The following PHF14 variants were observed in gnomAD, a reference collection of about 807,000 sequenced individuals.
The protein encoded by PHF14 is PHD finger protein 14.
Under a neutral mutation model 117.9 loss-of-function variants are expected in PHF14, and 55 were observed. The ratio of observed to expected loss-of-function variants is 0.47; its 90% CI spans 0.38 to 0.58. PHF14 has a LOEUF of 0.58. PHF14 is among the 20% of genes least tolerant of loss of function. PHF14 has a pLI of 0.00. For missense variants in PHF14, 978 were observed against 1,122.2 expected (o/e 0.87, Z 1.84); for synonymous variants, 409 against 368.6 (o/e 1.11, Z -1.26).
rs73283110 is a variant in PHF14, at chr7:11,071,417, G to T, written c.2654+9332G>T. On this transcript the variant is annotated intron_variant, in intron 16 of 17. Transcript: ENST00000634607. ...TAGAATGGAAGCCAGTTTTCCAGTT[G>T]CATTTTCTCTCATTTACCTAGAGGA... is the stretch of plus-strand genomic sequence containing the variant. 5.9e-4 allele frequency: 215 copies of T among 363,652 alleles called. 2 individuals are homozygous for T. Among genetic ancestry groups the T allele is most frequent in the African/African-American group, 4.4e-3 (210 of 48,134 alleles). The allele number at this position is 363,652 out of a possible 1,614,324, so 22.5% of individuals were successfully genotyped here. A position where few individuals can be genotyped will look rare whatever the true frequency, so the allele number is the denominator to read the frequency against.
At chr7:11,018,622 G>A (rs888026984) in intron 5 of PHF14, among the ~76,000 whole-genome samples, 47 of 151,978 alleles carry the variant, frequency 3.1e-4, no homozygotes, top group African/African-American at 1.1e-3. Flanking sequence ...TGAATTTATC[G>A]GTTCTAATAG....
chr7:11,132,328 A>G (rs1047663942), intron 17 of PHF14, among the ~76,000 whole-genome samples: 34 of 148,032 alleles, frequency 2.3e-4, no homozygotes, highest in Non-Finnish European at 4.6e-4. Context: ...TAGATTCCAC[A>G]TAAAAGTGAG....
At chr7:11,143,076 T>C (rs1277312876) in intron 17 of PHF14, among the ~76,000 whole-genome samples, 1 of 152,144 alleles carries the variant, frequency 6.6e-6, no homozygotes, top group Non-Finnish European at 1.5e-5. Flanking sequence ...GTCAGAAATA[T>C]TTGCCTTACT....
rs535072082 is a variant in PHF14 at position 10,984,892 on chromosome 7, C to G, written c.900+1733C>G. On this transcript the variant is annotated intron_variant, in intron 3 of 17. Coordinates refer to ENST00000634607, the MANE Select transcript of PHF14 (RefSeq NM_001007157.2). ...CCTTTTATGTTTAGGTTAATAGTCC[C>G]AAACACAAACACATTCCAGGAATGA... 1.6e-3 allele frequency among the ~76,000 whole-genome samples: 250 copies of G among 152,190 alleles called. 1 individual carries two copies. The highest frequency in any genetic ancestry group is 1.7e-3 in the Non-Finnish European group (117 of 67,990).
At chr7:11,096,639 C>G (rs974775496) in intron 16 of PHF14, among the ~76,000 whole-genome samples, 3 of 151,980 alleles carry the variant, frequency 2.0e-5, no homozygotes, top group Non-Finnish European at 4.4e-5. Context: ...AATTATAAAG[C>G]AGATGTGAAA....
At chr7:11,142,535 C>G (rs1256187515) in intron 17 of PHF14, among the ~76,000 whole-genome samples, 1 of 152,004 alleles carries the variant, frequency 6.6e-6, no homozygotes, top group Non-Finnish European at 1.5e-5. Context: ...AAGCTTATAA[C>G]CAAGATAACA....
intron 4 of PHF14, among the ~76,000 whole-genome samples, chr7:10,996,307 T>A (rs946546545): frequency 6.6e-6 from 1 of 152,222 alleles, no homozygotes; most frequent in Non-Finnish European, 1.5e-5. Flanking sequence ...AAACTCTGTT[T>A]ATGTAAGATG....
chr7:11,071,760 T>C (rs1583435516), intron 16 of PHF14, among the ~76,000 whole-genome samples: 1 of 152,364 alleles, frequency 6.6e-6, no homozygotes, highest in East Asian at 1.9e-4. Flanking sequence ...TTTCTGATTA[T>C]GTATAAATTA....
At chr7:11,139,713 A>G (rs1788345808) in intron 17 of PHF14, among the ~76,000 whole-genome samples, 2 of 152,244 alleles carry the variant, frequency 1.3e-5, no homozygotes, top group South Asian at 2.1e-4. Flanking sequence ...TTTCTGAAAT[A>G]TGTGAAAAAT....
intron 16 of PHF14, among the ~76,000 whole-genome samples, chr7:11,075,050 G>C (rs1190638096): frequency 6.7e-6 from 1 of 150,254 alleles, no homozygotes; most frequent in African/African-American, 2.5e-5. Flanking sequence ...CAATTTTCCT[G>C]CCTCAGCCTC....
chr7:11,046,684 G>A (rs968839398), intron 13 of PHF14, among the ~76,000 whole-genome samples: 1 of 152,154 alleles, frequency 6.6e-6, no homozygotes, highest in Non-Finnish European at 1.5e-5. Context: ...AAATTTACAA[G>A]TTGAGTTAAA....
rs753357776 is a variant in PHF14 at position 11,040,754 on chromosome 7, C to T, written c.2159C>T (p.Thr720Ile). Residue 720 changes from threonine to isoleucine, a missense_variant, in exon 12 of 18, where the codon ACT (threonine) becomes ATT (isoleucine). Physicochemically the swap from Thr to Ile is moderately conservative, Grantham distance 89 (BLOSUM62 -1). Around this residue, in one of 7 missense-constraint regions of PHF14, gnomAD observed 237 missense variants for 276.4 expected, o/e 0.86. Coordinates refer to ENST00000634607, the MANE Select transcript of PHF14 (RefSeq NM_001007157.2). ...GAAGGAGGCACACAAAAGACATCTA[C>T]TCTTCCTGCAGTACTTTATAGGCAA... ...KKEGGTQKTSTLPAVLYSCGI... is the reference protein window; with the variant it reads ...KKEGGTQKTSILPAVLYSCGI... 2.1e-5 allele frequency: 33 copies of T among 1,550,122 alleles called. No individual in the cohort carries two copies. The highest frequency in any genetic ancestry group is 1.7e-4 in the Middle Eastern group (1 of 5,998).
At chr7:11,134,477 A>C (rs1229614392) in intron 17 of PHF14, among the ~76,000 whole-genome samples, 1 of 152,068 alleles carries the variant, frequency 6.6e-6, no homozygotes, top group Non-Finnish European at 1.5e-5. Context: ...TTAAAAAGTT[A>C]ATCAGTATCC....
intron 13 of PHF14, among the ~76,000 whole-genome samples, chr7:11,047,206 C>G (rs1333642152): frequency 2.6e-5 from 4 of 151,834 alleles, no homozygotes; most frequent in Non-Finnish European, 2.9e-5. Context: ...GTACCTGGGA[C>G]TACAGGCGCG....
rs996905685 is a variant in PHF14, at chr7:11,148,214, T to C, written c.2773-21202T>C. ...CTCTATACCTCAACCAGAATAAGCT[T>C]AAAACCCAAAAGCAAATCATATTAT... On this transcript the variant is annotated intron_variant, in intron 17 of 17. Coordinates refer to ENST00000634607, the MANE Select transcript of PHF14 (RefSeq NM_001007157.2). Among the ~76,000 whole-genome samples the C allele has an allele frequency of 1.2e-4, 19 of 152,172 alleles. 1 individual carries two copies. Among genetic ancestry groups the C allele is most frequent in the Admixed American group, 1.2e-3 (19 of 15,266 alleles).
At chr7:11,053,802 C>G (rs1562442201) in intron 14 of PHF14, among the ~76,000 whole-genome samples, 1 of 151,850 alleles carries the variant, frequency 6.6e-6, no homozygotes, top group African/African-American at 2.4e-5. Flanking sequence ...TACTGGTCTG[C>G]TTTTTTTATC....
In PHF14 at chr7:11,155,532, T is replaced by C. The variant is rs112147980; in HGVS notation, c.2773-13884T>C. 1.6e-3 allele frequency among the ~76,000 whole-genome samples: 246 copies of C among 152,326 alleles called. 1 individual carries two copies. Among genetic ancestry groups the C allele is most frequent in the African/African-American group, 5.6e-3 (231 of 41,572 alleles). On this transcript the variant is annotated intron_variant, in intron 17 of 17. Transcript: ENST00000634607. Reference sequence around the variant, plus strand: ...TTAGAATATTCTTCCCTCCATTGTTTGCTTGACCAACTCTTTCTTATCCTT... The same window carrying C: ...TTAGAATATTCTTCCCTCCATTGTTCGCTTGACCAACTCTTTCTTATCCTT...
intron 16 of PHF14, among the ~76,000 whole-genome samples, chr7:11,071,095 A>G (rs778233896): frequency 3.0e-4 from 45 of 152,248 alleles, no homozygotes; most frequent in Non-Finnish European, 5.9e-4. Flanking sequence ...ACTGAGAGTT[A>G]GGAGATCTCA....
intron 17 of PHF14, among the ~76,000 whole-genome samples, chr7:11,129,672 G>A (rs187364756): frequency 4.7e-5 from 7 of 149,328 alleles, no homozygotes; most frequent in African/African-American, 1.5e-4. Flanking sequence ...CATTTTTATT[G>A]GATAAAAATC....
Sources: gnomAD v4.1 joint callset for allele counts (sites outside exome capture counted in the v4.1 genomes callset) on GRCh38, gnomAD v4.1.1 for gene constraint, gnomAD v4.1.1 regional missense constraint, MANE v1.5 for transcripts, NCBI Gene and HGNC (gene_info 2026-07-23, HGNC 2026-07-21) for gene names.